The following CSMD3 variants were observed in gnomAD, a reference collection of about 807,000 sequenced individuals.
CSMD3 encodes CUB and Sushi multiple domains 3, also known as CUB and sushi domain-containing protein 3.
CSMD3 carries 177 observed loss-of-function variants against 435.2 expected under a neutral mutation model. That is an observed-to-expected ratio of 0.41 (90% CI 0.36 to 0.46). CSMD3 has a LOEUF of 0.46. Ranked by LOEUF, CSMD3 falls within the 20% of genes least tolerant of loss-of-function variation. The pLI is 0.34. For synonymous variants in CSMD3, 1,656 were observed against 1,520.5 expected (o/e 1.09, Z -2.07); for missense variants, 4,265 against 4,504.6 (o/e 0.95, Z 1.52).
At chr8:112,955,932 T>C (rs1420668745) in intron 7 of CSMD3, among the ~76,000 whole-genome samples, 2 of 151,972 alleles carry the variant, frequency 1.3e-5, no homozygotes, top group African/African-American at 4.8e-5. Context: ...ATTATGGATA[T>C]TTATTGGTTT....
At chr8:112,640,647 G>A (rs1286355951) in intron 20 of CSMD3, among the ~76,000 whole-genome samples, 1 of 151,336 alleles carries the variant, frequency 6.6e-6, no homozygotes, top group Non-Finnish European at 1.5e-5. Context: ...CCTTTTAGAG[G>A]GGGTCTAAAA....
In CSMD3 at chr8:112,800,244, T is replaced by C; in HGVS notation, c.1890A>G (p.Ile630Met). The change falls in exon 13 of 71, where the codon ATA (isoleucine) becomes ATG (methionine). Residue 630 changes from isoleucine to methionine, a missense_variant. Physicochemically the swap from Ile to Met is conservative, Grantham distance 10. Transcript: ENST00000297405. ...GCCACATTTGGCTACTCATGCTCAC[T>C]ATCAAGTCTGGTACAAAGCTTCCAG... ...VLTGSFVPDL[I>M]VSMSSQMWLH... is the part of the protein sequence containing the mutation. 1 of 1,612,728 alleles carries C rather than the reference T, an allele frequency of 6.2e-7. No individual in the cohort carries two copies. Among genetic ancestry groups the C allele is most frequent in the Non-Finnish European group, 8.5e-7 (1 of 1,178,942 alleles).
chr8:112,639,204 A>G (rs1315288237), intron 20 of CSMD3, among the ~76,000 whole-genome samples: 2 of 152,104 alleles, frequency 1.3e-5, no homozygotes, highest in Non-Finnish European at 2.9e-5. Context: ...TTCAAGAGAA[A>G]TACATATCTT....
At chr8:112,628,514 G>A (rs1834678341) in intron 22 of CSMD3, among the ~76,000 whole-genome samples, 1 of 151,982 alleles carries the variant, frequency 6.6e-6, no homozygotes, top group Non-Finnish European at 1.5e-5. Flanking sequence ...GGTTGAAATG[G>A]CAATTATAGT....
intron 27 of CSMD3, among the ~76,000 whole-genome samples, chr8:112,536,847 T>G (rs529606366): frequency 4.6e-5 from 7 of 151,962 alleles, no homozygotes; most frequent in Admixed American, 2.6e-4. Flanking sequence ...CCATAAAAAA[T>G]GATGAGTTCA....
intron 32 of CSMD3, among the ~76,000 whole-genome samples, chr8:112,445,375 T>C (rs1440316331): frequency 2.6e-5 from 4 of 152,140 alleles, no homozygotes; most frequent in African/African-American, 9.7e-5. Flanking sequence ...TGGCTCATGG[T>C]TCTGCAGGCT....
chr8:112,651,517 A>G (rs1202021831), intron 18 of CSMD3, among the ~76,000 whole-genome samples: 2 of 150,650 alleles, frequency 1.3e-5, no homozygotes, highest in East Asian at 3.9e-4. Context: ...AAGTGTGACC[A>G]TTATTTTTCT....
At chr8:112,637,033 GC>G (rs772280841) in intron 21 of CSMD3, 28 bp from the exon 22 acceptor site, 1 of 1,575,202 alleles carries the variant, frequency 6.3e-7, no homozygotes, top group Admixed American at 1.7e-5. Context: ...AAATTTCCCC[GC>G]GGGGGAGGAA....
chr8:112,827,017 A>T (rs1281736874), intron 12 of CSMD3, among the ~76,000 whole-genome samples: 3 of 151,472 alleles, frequency 2.0e-5, no homozygotes, highest in African/African-American at 7.3e-5. Flanking sequence ...AATATGGTTC[A>T]AACACACATT....
chr8:112,819,517 A>G (rs2079470718), intron 12 of CSMD3, among the ~76,000 whole-genome samples: 1 of 152,226 alleles, frequency 6.6e-6, no homozygotes, highest in South Asian at 2.1e-4. Context: ...TTCAACTCTA[A>G]GTCTGTAAAA....
intron 13 of CSMD3, among the ~76,000 whole-genome samples, chr8:112,742,383 G>C (rs2077332887): frequency 6.6e-6 from 1 of 151,870 alleles, no homozygotes; most frequent in Non-Finnish European, 1.5e-5. Context: ...GATGCAAATA[G>C]AAATACACAA....
chr8:112,803,666 T>C (rs1587343697), intron 12 of CSMD3, among the ~76,000 whole-genome samples: 2 of 152,206 alleles, frequency 1.3e-5, no homozygotes, highest in Non-Finnish European at 2.9e-5. Flanking sequence ...AAAAGTCATA[T>C]AATTCTACAT....
intron 13 of CSMD3, among the ~76,000 whole-genome samples, chr8:112,725,337 T>C (rs922888186): frequency 1.3e-5 from 2 of 151,938 alleles, no homozygotes; most frequent in African/African-American, 4.8e-5. Context: ...GCATTGCGAC[T>C]TCAGTTATAT....
intron 67 of CSMD3, among the ~76,000 whole-genome samples, chr8:112,236,842 T>C (rs916749948): frequency 6.6e-6 from 1 of 152,124 alleles, no homozygotes; most frequent in Non-Finnish European, 1.5e-5. Context: ...GGCCACAGAA[T>C]AGTTGAGAAA....
intron 11 of CSMD3, among the ~76,000 whole-genome samples, chr8:112,846,791 A>G (rs1240813026): frequency 6.6e-6 from 1 of 152,034 alleles, no homozygotes; most frequent in East Asian, 1.9e-4. Flanking sequence ...CACTTTAAAT[A>G]AAGTATTTCA....
intron 6 of CSMD3, among the ~76,000 whole-genome samples, chr8:113,010,262 A>G (rs1382534210): frequency 6.6e-6 from 1 of 151,712 alleles, no homozygotes; most frequent in Non-Finnish European, 1.5e-5. Flanking sequence ...ATCACTTTTA[A>G]GACTCATGGG....
At chr8:112,706,053 A>T (rs2131896234) in intron 13 of CSMD3, among the ~76,000 whole-genome samples, 1 of 152,182 alleles carries the variant, frequency 6.6e-6, no homozygotes, top group African/African-American at 2.4e-5. Context: ...GCACAATGTA[A>T]CAGTCTACTT....
At chr8:112,899,387 G>T (rs1448440945) in intron 10 of CSMD3, among the ~76,000 whole-genome samples, 1 of 149,892 alleles carries the variant, frequency 6.7e-6, no homozygotes, top group Non-Finnish European at 1.5e-5. Context: ...ATAATAATCA[G>T]ATTGGCCTAA....
intron 23 of CSMD3, among the ~76,000 whole-genome samples, chr8:112,574,211 G>T (rs1302718193): frequency 6.6e-6 from 1 of 151,974 alleles, no homozygotes; most frequent in Non-Finnish European, 1.5e-5. Flanking sequence ...AAATGAAACT[G>T]ATAAGCTCCC....
Sources: gnomAD v4.1 joint callset for allele counts (sites outside exome capture counted in the v4.1 genomes callset) on GRCh38, gnomAD v4.1.1 for gene constraint, MANE v1.5 for transcripts, NCBI Gene and HGNC (gene_info 2026-07-23, HGNC 2026-07-21) for gene names.